The following ACVR1C variants were observed in gnomAD, a reference collection of about 807,000 sequenced individuals.
ACVR1C encodes the protein activin A receptor type 1C, also known as activin receptor type-1C.
In ACVR1C, 23 loss-of-function variants were observed where a neutral mutation model predicts 57.9. That is an observed-to-expected ratio of 0.40 (90% confidence interval 0.29 to 0.56). The LOEUF (loss-of-function observed/expected upper bound fraction) is 0.56. ACVR1C is among the 20% of genes least tolerant of loss of function. ACVR1C has a pLI of 0.50. For missense variants in ACVR1C, 480 were observed against 607.9 expected, an observed-to-expected ratio of 0.79 and a Z score of 2.21; for synonymous variants, 214 against 215.3, an observed-to-expected ratio of 0.99 and a Z score of 0.05.
chr2:157,540,962 A>C, intron 7 of ACVR1C, 128 bp downstream of exon 7: 5 of 1,183,382 alleles, frequency 4.2e-6, no homozygotes, highest in Non-Finnish European at 5.8e-6. Flanking sequence ...ATATATCACC[A>C]AAAGGTATTC....
intron 7 of ACVR1C, among the ~76,000 whole-genome samples, chr2:157,539,446 A>G (rs1687567708): frequency 6.6e-6 from 1 of 152,212 alleles, no homozygotes; most frequent in African/African-American, 2.4e-5. Flanking sequence ...CTTTTAACTT[A>G]AAATATGTAA....
chr2:157,628,493 C>T (rs777021804), intron 1 of ACVR1C, 79 bp downstream of exon 1: 14 of 1,481,394 alleles, frequency 9.5e-6, no homozygotes, highest in Non-Finnish European at 1.2e-5. Flanking sequence ...CACCCCCTGT[C>T]CCCCACCCCC....
intron 2 of ACVR1C, among the ~76,000 whole-genome samples, chr2:157,569,758 A>T (rs1688478768): frequency 3.9e-5 from 1 of 25,702 alleles, no homozygotes; most frequent in Admixed American, 4.4e-4. Flanking sequence ...GACCAGATGG[A>T]TTCACAGCCG....
intron 2 of ACVR1C, among the ~76,000 whole-genome samples, chr2:157,575,807 C>T (rs575129300): frequency 1.7e-4 from 26 of 152,098 alleles, no homozygotes; most frequent in Middle Eastern, 6.8e-3. Context: ...TGACTCATTA[C>T]GGTTTTTTTA....
Position 157,628,633 on chromosome 2 carries a change from C to A in ACVR1C, c.12G>T (p.Ala4=), listed in dbSNP as rs1166996402. Residue 4 remains alanine, a synonymous_variant, in exon 1 of 9, where the codon GCG becomes GCT. Coordinates refer to ENST00000243349, the MANE Select transcript of ACVR1C (RefSeq NM_145259.3). MTR[A]LCSALRQALL... ...GAGCCTGGCGGAGCGCTGAGCAGAG[C>A]GCCCGGGTCATCGCCACCAGGCGGC... 23 of 1,586,748 alleles carry A rather than the reference C, an allele frequency of 1.4e-5. No homozygotes were observed. Among genetic ancestry groups the A allele is most frequent in the Non-Finnish European group, 1.7e-5 (20 of 1,168,040 alleles).
chr2:157,592,084 C>T (rs1378150924), intron 1 of ACVR1C, among the ~76,000 whole-genome samples: 1 of 152,074 alleles, frequency 6.6e-6, no homozygotes, highest in African/African-American at 2.4e-5. Flanking sequence ...TTCTAATAGC[C>T]TTTAAAACAC....
At chr2:157,601,097 C>T (rs1352075041) in intron 1 of ACVR1C, among the ~76,000 whole-genome samples, 1 of 152,050 alleles carries the variant, frequency 6.6e-6, no homozygotes, top group African/African-American at 2.4e-5. Context: ...GCAGGTGGAT[C>T]ACTTGAGGTC....
chr2:157,589,353 G>C (rs769848656), intron 1 of ACVR1C, among the ~76,000 whole-genome samples: 2 of 151,628 alleles, frequency 1.3e-5, no homozygotes, highest in East Asian at 1.9e-4. Flanking sequence ...GTGTTTGTTC[G>C]TGTCATTTGC....
chr2:157,598,926 A>G (rs1682205473), intron 1 of ACVR1C, among the ~76,000 whole-genome samples: 1 of 152,036 alleles, frequency 6.6e-6, no homozygotes, highest in Admixed American at 6.6e-5. Context: ...TATTATTCCA[A>G]CCTATTGTGT....
chr2:157,586,490 C>T (rs1688924517), intron 2 of ACVR1C, among the ~76,000 whole-genome samples: 1 of 152,004 alleles, frequency 6.6e-6, no homozygotes, highest in Non-Finnish European at 1.5e-5. Flanking sequence ...GGACTATTTT[C>T]ACATCATAAA....
intron 7 of ACVR1C, among the ~76,000 whole-genome samples, chr2:157,540,679 C>T (rs2105205650): frequency 6.6e-6 from 1 of 152,248 alleles, no homozygotes; most frequent in South Asian, 2.1e-4. Flanking sequence ...TTATCCAACC[C>T]TACAGTATTT....
chr2:157,570,826 G>A (rs1348543600), intron 2 of ACVR1C, among the ~76,000 whole-genome samples: 1 of 49,038 alleles, frequency 2.0e-5, no homozygotes, highest in Non-Finnish European at 4.3e-5. Context: ...TCCCCATCAA[G>A]CTACCAATGC....
rs779024563 is a variant in ACVR1C at position 157,550,259 on chromosome 2, G to A, written c.678C>T (p.Ser226=). Reference sequence around the variant, plus strand: ...CACGAAACCAAGATCTTTCATCTCTGGAGGAGAATATTTTCACAGCCACAT... The same window carrying A: ...CACGAAACCAAGATCTTTCATCTCTAGAGGAGAATATTTTCACAGCCACAT... ...GEDVAVKIFS[S]RDERSWFREA... Residue 226 remains serine (S), a synonymous_variant, in exon 4 of 9, where the codon TCC becomes TCT. Coordinates refer to ENST00000243349, the MANE Select transcript of ACVR1C (RefSeq NM_145259.3). The A allele has an allele frequency of 6.2e-7, 1 of 1,614,052 alleles. No individual in the cohort carries two copies. The highest frequency in any genetic ancestry group is 8.5e-7 in the Non-Finnish European group (1 of 1,180,014).
chr2:157,547,499 T>G (rs1245316094), intron 4 of ACVR1C, among the ~76,000 whole-genome samples: 1 of 128,842 alleles, frequency 7.8e-6, no homozygotes, highest in Non-Finnish European at 1.7e-5. Context: ...GACTTTTTAA[T>G]GATTGCCATT....
At chr2:157,620,124 A>G (rs1311168596) in intron 1 of ACVR1C, among the ~76,000 whole-genome samples, 1 of 152,102 alleles carries the variant, frequency 6.6e-6, no homozygotes, top group African/African-American at 2.4e-5. Flanking sequence ...CTTTTCATAG[A>G]ACATAGCTAA....
intron 2 of ACVR1C, among the ~76,000 whole-genome samples, chr2:157,585,728 G>A (rs1450108512): frequency 1.3e-5 from 2 of 152,010 alleles, no homozygotes; most frequent in East Asian, 3.8e-4. Context: ...GATAAACTGG[G>A]GGATAAAATA....
At chr2:157,561,951 A>G (rs559408994) in intron 2 of ACVR1C, among the ~76,000 whole-genome samples, 5 of 152,332 alleles carry the variant, frequency 3.3e-5, no homozygotes, top group African/African-American at 7.2e-5. Context: ...AAGATCTACT[A>G]TGTAATATGT....
intron 2 of ACVR1C, among the ~76,000 whole-genome samples, chr2:157,578,362 A>G (rs977496095): frequency 1.3e-5 from 2 of 152,312 alleles, no homozygotes; most frequent in Admixed American, 6.5e-5. Context: ...CCCTTCTCCT[A>G]GACAGAATAA....
At chr2:157,608,166 C>T (rs1264102857) in intron 1 of ACVR1C, among the ~76,000 whole-genome samples, 1 of 151,738 alleles carries the variant, frequency 6.6e-6, no homozygotes, top group Non-Finnish European at 1.5e-5. Context: ...CCTCCTATGC[C>T]TAGATTATTG....
Sources: gnomAD v4.1 joint callset for allele counts (sites outside exome capture counted in the v4.1 genomes callset) on GRCh38, gnomAD v4.1.1 for gene constraint, MANE v1.5 for transcripts, NCBI Gene and HGNC (gene_info 2026-07-23, HGNC 2026-07-21) for gene names.